The following CYFIP2 variants were observed in gnomAD, a reference collection of about 807,000 sequenced individuals.
The protein encoded by CYFIP2 is cytoplasmic FMR1-interacting protein 2.
A neutral mutation model predicts 158.7 loss-of-function variants in CYFIP2; 29 were observed. That is an observed-to-expected ratio of 0.18 (90% CI 0.14 to 0.25). The LOEUF (loss-of-function observed/expected upper bound fraction) is 0.25, where lower values mean the gene tolerates loss of function less well. Among genes scored for constraint, CYFIP2 ranks in the 10% least tolerant of loss-of-function variants. The pLI is 1.00. For missense variants in CYFIP2, 852 were observed against 1,639.5 expected, an observed-to-expected ratio of 0.52 and a Z score of 8.29; for synonymous variants, 585 against 617.6, an observed-to-expected ratio of 0.95 and a Z score of 0.78.
chr5:157,345,518 G>C (rs1762618477), intron 23 of CYFIP2: 1 of 152,542 alleles, frequency 6.6e-6, no homozygotes, highest in Non-Finnish European at 1.5e-5. Context: ...CCATTTCCAA[G>C]AAGAGCCATC....
intron 21 of CYFIP2, among the ~76,000 whole-genome samples, chr5:157,335,418 C>T (rs1279608435): frequency 6.6e-6 from 1 of 152,198 alleles, no homozygotes; most frequent in Non-Finnish European, 1.5e-5. Context: ...GCTGGGACTA[C>T]AGGCATGTGC....
chr5:157,369,897 TTA>T (rs1491508805), intron 26 of CYFIP2, among the ~76,000 whole-genome samples: 1 of 150,738 alleles, frequency 6.6e-6, no homozygotes. Flanking sequence ...TTTTTTTTTT[TTA>T]AAGACAGAGT....
At chr5:157,318,889 T>A (rs1302586164) in intron 13 of CYFIP2, among the ~76,000 whole-genome samples, 3 of 152,234 alleles carry the variant, frequency 2.0e-5, no homozygotes, top group Non-Finnish European at 4.4e-5. Context: ...AGTCAAAGGC[T>A]CAGACTTACT....
intron 26 of CYFIP2, among the ~76,000 whole-genome samples, chr5:157,371,013 T>A (rs981347463): frequency 4.6e-5 from 7 of 152,130 alleles, no homozygotes; most frequent in African/African-American, 1.7e-4. Flanking sequence ...GAGGGACCAG[T>A]GGAACAGGAG....
intron 30 of CYFIP2, 51 bp downstream of exon 30, chr5:157,390,719 A>C (rs1767197917): frequency 1.3e-6 from 2 of 1,556,104 alleles, no homozygotes; most frequent in African/African-American, 1.4e-5. Flanking sequence ...GCTGACAACC[A>C]GGCTTTTACC....
intron 20 of CYFIP2, among the ~76,000 whole-genome samples, chr5:157,332,319 A>G (rs1378833504): frequency 1.3e-5 from 2 of 152,282 alleles, no homozygotes; most frequent in East Asian, 3.9e-4. Flanking sequence ...TTTAGTTCAC[A>G]TTCTTTCTCT....
rs775411906 is a variant in CYFIP2 at position 157,359,022 on chromosome 5, C to T, written c.2691C>T (p.Tyr897=). Residue 897 remains tyrosine (Y), a synonymous_variant, in exon 24 of 31, where the codon TAC becomes TAT. Coordinates refer to ENST00000620254, the MANE Select transcript of CYFIP2 (RefSeq NM_001037333.3). ...TTTTCCAGCCTCTCAACATTGCCTA[C>T]AGCCACATCTACAGCTCCTACAGGA... ...LYGSKPLNIA[Y]SHIYSSYRNF... 1.2e-6 allele frequency: 2 copies of T among 1,614,020 alleles called. No homozygotes were observed.
At position 157,312,177 on chromosome 5, in the gene CYFIP2, CAT is replaced by C. The variant is rs1759779958; in HGVS notation, c.1110+398_1110+399del. Among the ~76,000 whole-genome samples, 3 of 151,924 alleles carry C rather than the reference CAT, an allele frequency of 2.0e-5. No individual in the cohort carries two copies. The South Asian group carries it at 6.2e-4, about 31-fold the overall frequency. On this transcript the variant is annotated intron_variant, in intron 11 of 30. Coordinates refer to ENST00000620254, the MANE Select transcript of CYFIP2 (RefSeq NM_001037333.3). ...GGCAAGAAAACAGAACACTCGTACT[CAT>C]AACGCTACCTAAATGTTTTAAAACT... is the stretch of plus-strand genomic sequence containing the variant.
At position 157,309,754 on chromosome 5, in the gene CYFIP2, G is replaced by C. The variant is rs1214554304; in HGVS notation, c.912G>C (p.Val304=). 1.2e-6 allele frequency: 2 copies of C among 1,604,924 alleles called. No homozygotes were observed. The highest frequency in any genetic ancestry group is 1.7e-6 in the Non-Finnish European group (2 of 1,175,876). The change falls in exon 10 of 31, where the codon GTG becomes GTC. Residue 304 remains valine (V), a synonymous_variant. Transcript: ENST00000620254. ...TGCTTCCTTTGCAGCAGCTGCAGGTGGTGCCCCTTTTCGGCGACATGCAGA... is the reference window on the plus strand; with the variant it reads ...TGCTTCCTTTGCAGCAGCTGCAGGTCGTGCCCCTTTTCGGCGACATGCAGA... ...KIDKFFKQLQ[V]VPLFGDMQIE...
rs1760526744 is a variant in CYFIP2 at position 157,320,706 on chromosome 5, G to A, written c.1575G>A (p.Glu525=). 6.2e-7 allele frequency: 1 copy of A among 1,613,784 alleles called. No individual in the cohort carries two copies. Among genetic ancestry groups the A allele is most frequent in the South Asian group, 1.1e-5 (1 of 91,080 alleles). Reference sequence around the variant, plus strand: ...TCTGTGACTGGGAGGGAGGGCGAGAGCCCCCTAATGACCCATGCTTGAGAG... The same window carrying A: ...TCTGTGACTGGGAGGGAGGGCGAGAACCCCCTAATGACCCATGCTTGAGAG... ...KTICDWEGGR[E]PPNDPCLRGE... is the part of the protein sequence containing the mutation. Residue 525 remains glutamate, a synonymous_variant, in exon 15 of 31, where the codon GAG becomes GAA. Coordinates refer to ENST00000620254, the MANE Select transcript of CYFIP2 (RefSeq NM_001037333.3).
At chr5:157,315,227 T>A in intron 13 of CYFIP2, 133 bp downstream of exon 13, 2 of 1,234,372 alleles carry the variant, frequency 1.6e-6, no homozygotes, top group Non-Finnish European at 2.2e-6. Flanking sequence ...CCATCTAAAT[T>A]AATCCGTCAG....
chr5:157,389,286 A>C lies in CYFIP2; in HGVS notation c.3305A>C (p.Tyr1102Ser). 1.2e-6 allele frequency: 2 copies of C among 1,614,058 alleles called. No homozygotes were observed. Among genetic ancestry groups the C allele is most frequent in the Non-Finnish European group, 1.7e-6 (2 of 1,179,898 alleles). The change falls in exon 29 of 31, where the codon TAC becomes TCC. Residue 1102 changes from tyrosine (Y) to serine (S), a missense_variant. This residue lies in a region of CYFIP2 where 223 missense variants were observed against 381.6 expected (regional missense o/e 0.58). Coordinates refer to ENST00000620254, the MANE Select transcript of CYFIP2 (RefSeq NM_001037333.3). Reference sequence around the variant, plus strand: ...GTCATCCTGACCCGCATTCGGAGCTACCTGCAGGACCCCATCTGGCGGGGC... The same window carrying C: ...GTCATCCTGACCCGCATTCGGAGCTCCCTGCAGGACCCCATCTGGCGGGGC... ...FEVILTRIRS[Y>S]LQDPIWRGPP...
chr5:157,319,650 C>T, intron 13 of CYFIP2, 112 bp from the exon 14 acceptor site: 3 of 1,356,726 alleles, frequency 2.2e-6, no homozygotes, highest in South Asian at 1.4e-5. Context: ...TAGCACTGGC[C>T]TCATGCCTCT....
At chr5:157,339,033 G>A (rs1407913043) in intron 21 of CYFIP2, 24 bp from the exon 22 acceptor site, 1 of 1,598,876 alleles carries the variant, frequency 6.3e-7, no homozygotes, top group Admixed American at 1.7e-5. Flanking sequence ...GTCCTCAGCA[G>A]TTGTGGGCTC....
chr5:157,348,061 T>C (rs919994154), intron 23 of CYFIP2, among the ~76,000 whole-genome samples: 2 of 152,260 alleles, frequency 1.3e-5, no homozygotes, highest in Non-Finnish European at 2.9e-5. Flanking sequence ...TCAGGGACAA[T>C]TCCTCCAGAG....
At chr5:157,333,519 T>G in intron 21 of CYFIP2, 73 bp downstream of exon 21, 1 of 1,605,126 alleles carries the variant, frequency 6.2e-7, no homozygotes, top group East Asian at 2.2e-5. Flanking sequence ...GGGACTGTAG[T>G]TAGTCTAGTG....
rs575269636 is a variant in CYFIP2 at position 157,314,713 on chromosome 5, G to C, written c.1230+250G>C. 6.7e-4 allele frequency among the ~76,000 whole-genome samples: 102 copies of C among 152,188 alleles called. 1 individual carries two copies. The highest frequency in any genetic ancestry group is 2.4e-3 in the African/African-American group (99 of 41,538). ...TGTTATCTCCCCTCCCATCTCCCTA[G>C]CCCTGAGCAATCTGCTTTCTACCTC... On this transcript the variant is annotated intron_variant, in intron 12 of 30. Transcript: ENST00000620254.
At chr5:157,303,840 T>G (rs554181103) in intron 7 of CYFIP2, among the ~76,000 whole-genome samples, 4 of 151,752 alleles carry the variant, frequency 2.6e-5, no homozygotes, top group African/African-American at 9.7e-5. Flanking sequence ...CCGCCAGCTC[T>G]CCTCCCCTGG....
In CYFIP2 at chr5:157,326,741, AC is replaced by A. The variant is rs1415905175; in HGVS notation, c.2079+476del. On this transcript the variant is annotated intron_variant, in intron 18 of 30. Coordinates refer to ENST00000620254, the MANE Select transcript of CYFIP2 (RefSeq NM_001037333.3). ...GAATGGGGCCTGAGTGCACACGCCC[AC>A]CTTGACCTTATGGATTCTTTGCCTG... Among the ~76,000 whole-genome samples the A allele has an allele frequency of 3.3e-5, 5 of 152,168 alleles. No individual in the cohort carries two copies. In the East Asian group the frequency reaches 9.6e-4, roughly 29 times the overall value.
Sources: allele counts gnomAD v4.1 joint callset (sites outside exome capture counted in the v4.1 genomes callset), GRCh38; gene constraint gnomAD v4.1.1; regional missense constraint gnomAD v4.1.1; transcripts MANE v1.5; gene names NCBI Gene and HGNC (gene_info 2026-07-23, HGNC 2026-07-21).